Variants in GPC6 observed in about 807,000 individuals in gnomAD.
GPC6 encodes the protein glypican 6.
GPC6 carries 14 observed loss-of-function variants against 55.2 expected under a neutral mutation model. That is an observed-to-expected ratio of 0.25 (90% CI 0.17 to 0.40). The LOEUF is 0.40. Among genes scored for constraint, GPC6 ranks in the 10% least tolerant of loss-of-function variants. The pLI, the probability that GPC6 is intolerant of heterozygous loss-of-function variation, is 1.00. For missense variants in GPC6, 641 were observed against 708.5 expected (o/e 0.90, Z 1.08); for synonymous variants, 278 against 259.6 (o/e 1.07, Z -0.68).
intron 4 of GPC6, among the ~76,000 whole-genome samples, chr13:94,212,002 A>G (rs1890094088): frequency 6.6e-6 from 1 of 152,174 alleles, no homozygotes; most frequent in South Asian, 2.1e-4. Flanking sequence ...TCTCTCCTAC[A>G]CACATCTCGT....
chr13:94,009,825 T>C (rs995440829), intron 3 of GPC6, among the ~76,000 whole-genome samples: 1 of 152,134 alleles, frequency 6.6e-6, no homozygotes, highest in East Asian at 1.9e-4. Flanking sequence ...TAGAAGAAAG[T>C]ACCATTTTTC....
intron 1 of GPC6, among the ~76,000 whole-genome samples, chr13:93,387,083 G>A (rs962419804): frequency 6.6e-6 from 1 of 151,858 alleles, no homozygotes. Context: ...AAGCTTTGGA[G>A]GAGAGAATAC....
intron 1 of GPC6, among the ~76,000 whole-genome samples, chr13:93,281,611 C>T (rs2139067940): frequency 1.3e-5 from 2 of 152,252 alleles, no homozygotes; most frequent in Middle Eastern, 6.8e-3. Context: ...GTCAGGAGTT[C>T]AAAACCAGCC....
rs926987977 is a variant in GPC6, at chr13:93,808,821, C to T, written c.320-21333C>T. ...CAAAGATCATGACCCTTATTTTAAGCTTCCTGTTTGGGGAGCATGTGTAGA... is the reference window on the plus strand; with the variant it reads ...CAAAGATCATGACCCTTATTTTAAGTTTCCTGTTTGGGGAGCATGTGTAGA... On this transcript the variant is annotated intron_variant, in intron 2 of 8. Transcript: ENST00000377047. 2.6e-5 allele frequency among the ~76,000 whole-genome samples: 4 copies of T among 152,138 alleles called. No homozygotes were observed. The East Asian group carries it at 5.8e-4, about 22-fold the overall frequency.
chr13:93,536,826 A>G (rs534518623), intron 1 of GPC6, among the ~76,000 whole-genome samples: 2 of 152,198 alleles, frequency 1.3e-5, no homozygotes, highest in South Asian at 4.1e-4. Flanking sequence ...TGTTTGAAGT[A>G]CTGTAAATGG....
At chr13:93,745,266 A>G (rs1369904445) in intron 2 of GPC6, among the ~76,000 whole-genome samples, 1 of 151,934 alleles carries the variant, frequency 6.6e-6, no homozygotes, top group Middle Eastern at 3.2e-3. Flanking sequence ...TGCTCTTTAT[A>G]TTCCAGATGT....
intron 1 of GPC6, among the ~76,000 whole-genome samples, chr13:93,275,438 C>T (rs1877699904): frequency 6.6e-6 from 1 of 152,182 alleles, no homozygotes; most frequent in South Asian, 2.1e-4. Flanking sequence ...GGGATCTCAA[C>T]AGACCTCAAA....
At chr13:93,324,581 T>C (rs988324533) in intron 1 of GPC6, among the ~76,000 whole-genome samples, 1 of 101,848 alleles carries the variant, frequency 9.8e-6, no homozygotes, top group African/African-American at 4.9e-5. Context: ...TACACACACA[T>C]ACATACATAT....
intron 4 of GPC6, among the ~76,000 whole-genome samples, chr13:94,032,193 A>G (rs1883166600): frequency 6.6e-6 from 1 of 152,202 alleles, no homozygotes; most frequent in African/African-American, 2.4e-5. Flanking sequence ...CAAAGACCCT[A>G]ATAATTCAAC....
intron 6 of GPC6, among the ~76,000 whole-genome samples, chr13:94,327,423 G>A (rs1877181422): frequency 6.6e-6 from 1 of 152,148 alleles, no homozygotes; most frequent in South Asian, 2.1e-4. Flanking sequence ...CACCCACCAT[G>A]TCCCCCATCT....
At chr13:94,145,720 A>T (rs1887540101) in intron 4 of GPC6, among the ~76,000 whole-genome samples, 1 of 152,186 alleles carries the variant, frequency 6.6e-6, no homozygotes. Context: ...TTCAAAGATG[A>T]GCGGACCCTA....
At chr13:94,105,620 T>A (rs1886025359) in intron 4 of GPC6, among the ~76,000 whole-genome samples, 1 of 152,064 alleles carries the variant, frequency 6.6e-6, no homozygotes, top group African/African-American at 2.4e-5. Context: ...ATATGGGAAG[T>A]GAAAACATTA....
chr13:93,667,906 C>T (rs1881210899), intron 2 of GPC6, among the ~76,000 whole-genome samples: 1 of 152,036 alleles, frequency 6.6e-6, no homozygotes, highest in African/African-American at 2.4e-5. Flanking sequence ...AAAATTGTAG[C>T]TTTTTTGCTT....
rs550788109 is a variant in GPC6, at chr13:93,912,737, C to T, written c.711+82192C>T. On this transcript the variant is annotated intron_variant, in intron 3 of 8. Coordinates refer to ENST00000377047, the MANE Select transcript of GPC6 (RefSeq NM_005708.5). ...CAGCCTGGGCGACAGATAGAGACTCCGTCTCAAAAAAAACAAAACAAAACA... is the reference window on the plus strand; with the variant it reads ...CAGCCTGGGCGACAGATAGAGACTCTGTCTCAAAAAAAACAAAACAAAACA... Among the ~76,000 whole-genome samples the T allele has an allele frequency of 9.2e-5, 14 of 152,072 alleles. 1 individual carries two copies. The highest frequency in any genetic ancestry group is 2.1e-4 in the South Asian group (1 of 4,812).
chr13:93,330,187 C>T (rs576235636), intron 1 of GPC6, among the ~76,000 whole-genome samples: 1 of 152,290 alleles, frequency 6.6e-6, no homozygotes, highest in East Asian at 1.9e-4. Context: ...TTTCTACTCA[C>T]TGAGTGCTAT....
chr13:93,835,808 A>C (rs1887711304), intron 3 of GPC6, among the ~76,000 whole-genome samples: 1 of 152,208 alleles, frequency 6.6e-6, no homozygotes, highest in Admixed American at 6.5e-5. Flanking sequence ...CTCTATGAGT[A>C]AACGCTGTAA....
At chr13:94,381,307 C>T (rs1053569781) in intron 6 of GPC6, among the ~76,000 whole-genome samples, 5 of 152,048 alleles carry the variant, frequency 3.3e-5, no homozygotes, top group Non-Finnish European at 5.9e-5. Context: ...ATTTACTATC[C>T]CACAGTTCTG....
intron 2 of GPC6, among the ~76,000 whole-genome samples, chr13:93,789,473 T>C (rs2138919180): frequency 7.5e-6 from 1 of 133,876 alleles, no homozygotes; most frequent in African/African-American, 2.9e-5. Flanking sequence ...GACTTAAATA[T>C]GTGAGTGAAC....
chr13:94,222,861 G>T (rs1326121669), intron 4 of GPC6, among the ~76,000 whole-genome samples: 1 of 151,996 alleles, frequency 6.6e-6, no homozygotes, highest in Non-Finnish European at 1.5e-5. Context: ...ATTCTGACCT[G>T]GCATCAGTGC....
Sources: gnomAD v4.1 joint callset for allele counts (sites outside exome capture counted in the v4.1 genomes callset) on GRCh38, gnomAD v4.1.1 for gene constraint, MANE v1.5 for transcripts, NCBI Gene and HGNC (gene_info 2026-07-23, HGNC 2026-07-21) for gene names.